The following TMPRSS7 variants were observed in gnomAD, a reference collection of about 807,000 sequenced individuals.
The protein encoded by TMPRSS7 is transmembrane serine protease 7.
TMPRSS7 carries 81 observed loss-of-function variants against 95.6 expected under a neutral mutation model. The observed-to-expected ratio is 0.85, with a 90% CI of 0.71 to 1.02. The LOEUF (loss-of-function observed/expected upper bound fraction) is 1.02. TMPRSS7 is among the 50% of genes least tolerant of loss of function. The probability of loss-of-function intolerance (pLI) is 0.00; values close to 1 mark genes in which losing one functional copy is unlikely to be tolerated. For synonymous variants in TMPRSS7, 364 were observed against 337.8 expected, an observed-to-expected ratio of 1.08 and a Z score of -0.85; for missense variants, 945 against 955.2, an observed-to-expected ratio of 0.99 and a Z score of 0.14.
rs768791065 is a variant in TMPRSS7 at position 112,075,380 on chromosome 3, G to C, written c.1843G>C (p.Gly615Arg). Residue 615 changes from glycine to arginine, a missense_variant, in exon 15 of 18, where the codon GGG becomes CGG. Gly to Arg is a moderately radical substitution (Grantham distance 125). Transcript: ENST00000452346. Reference sequence around the variant, plus strand: ...CATCGGAGGCACAGACACCCTGGAGGGGGGTTGGCCGTGGCAGGTCAGCCT... The same window carrying C: ...CATCGGAGGCACAGACACCCTGGAGCGGGGTTGGCCGTGGCAGGTCAGCCT... The C allele has an allele frequency of 1.9e-5, 29 of 1,520,560 alleles. No homozygotes were observed. The East Asian group carries it at 6.5e-4, about 34-fold the overall frequency. The allele number at this position is 1,520,560 out of a possible 1,614,324, so 94.2% of individuals were successfully genotyped here.
rs78489211 is a variant in TMPRSS7, at chr3:112,081,015, T to G, written c.2463T>G (p.Phe821Leu). The change falls in exon 18 of 18, where the codon TTT (phenylalanine) becomes TTG (leucine). Residue 821 changes from phenylalanine to leucine, a missense_variant. Physicochemically the swap from Phe to Leu is conservative, Grantham distance 22 (BLOSUM62 0). Coordinates refer to ENST00000452346, the Ensembl canonical transcript of TMPRSS7. ...GACATGGAAGTGGACGACCAAACTTTCCTGGTGTTTACACAAGGGTGTCAA... is the reference window on the plus strand; with the variant it reads ...GACATGGAAGTGGACGACCAAACTTGCCTGGTGTTTACACAAGGGTGTCAA... 2.5e-6 allele frequency: 4 copies of G among 1,613,884 alleles called. No individual in the cohort carries two copies. The African/African-American group carries it at 5.3e-5, about 22-fold the overall frequency.
intron 10 of TMPRSS7, among the ~76,000 whole-genome samples, chr3:112,058,553 A>G (rs1344355239): frequency 6.6e-6 from 1 of 152,256 alleles, no homozygotes; most frequent in East Asian, 1.9e-4. Context: ...AATATGAATA[A>G]CAAGATTGTT....
intron 16 of TMPRSS7, 56 bp from the exon 17 acceptor site, chr3:112,078,686 T>C (rs1007163916): frequency 8.7e-6 from 14 of 1,606,780 alleles, no homozygotes; most frequent in African/African-American, 1.3e-5. Flanking sequence ...AATGAAGTCC[T>C]GAATACATGC....
intron 13 of TMPRSS7, among the ~76,000 whole-genome samples, chr3:112,073,089 CTTTTT>C (rs1156538909): frequency 0.029 from 3,725 of 128,438 alleles, 137 homozygotes; most frequent in African/African-American, 0.086. Flanking sequence ...TGTTTCCTGA[CTTTTT>C]TTTTTTTTTT....
At chr3:112,037,447 C>T (rs2073157612) in intron 1 of TMPRSS7, among the ~76,000 whole-genome samples, 1 of 152,190 alleles carries the variant, frequency 6.6e-6, no homozygotes, top group South Asian at 2.1e-4. Context: ...TGCTCTTGAA[C>T]CCTGTTTCCT....
In TMPRSS7 at chr3:112,078,903, C is replaced by T. The variant is rs767891153; in HGVS notation, c.2361+25C>T. On this transcript the variant is annotated intron_variant, in intron 17 of 17. Coordinates refer to ENST00000452346, the Ensembl canonical transcript of TMPRSS7. ...AGTAAGTCATTGTACCTTTCCCTTG[C>T]CTAACATGTTGTGCTTTCCATAAAT... 1.9e-6 allele frequency: 3 copies of T among 1,609,544 alleles called. No homozygotes were observed. In the South Asian group the frequency reaches 3.3e-5, roughly 18 times the overall value.
intron 16 of TMPRSS7, among the ~76,000 whole-genome samples, chr3:112,077,539 T>C (rs1377479510): frequency 6.6e-6 from 1 of 152,212 alleles, no homozygotes; most frequent in Non-Finnish European, 1.5e-5. Context: ...TGTCAACTCA[T>C]AGGCAACAGT....
At chr3:112,043,411 G>C (rs2073237049) in intron 3 of TMPRSS7, among the ~76,000 whole-genome samples, 1 of 152,044 alleles carries the variant, frequency 6.6e-6, no homozygotes, top group Non-Finnish European at 1.5e-5. Flanking sequence ...ATTATCCCAA[G>C]GAGGTGGGTG....
At chr3:112,057,404 A>T (rs2073445927) in intron 10 of TMPRSS7, among the ~76,000 whole-genome samples, 1 of 152,168 alleles carries the variant, frequency 6.6e-6, no homozygotes, top group African/African-American at 2.4e-5. Flanking sequence ...TTGGCAGATG[A>T]GTTTTTCAAA....
At chr3:112,076,811 C>T in intron 15 of TMPRSS7, 65 bp from the exon 16 acceptor site, 1 of 1,563,294 alleles carries the variant, frequency 6.4e-7, no homozygotes, top group Middle Eastern at 1.7e-4. Flanking sequence ...CTTTAGAGTG[C>T]TTGTTTGCAA....
intron 9 of TMPRSS7, among the ~76,000 whole-genome samples, chr3:112,054,071 C>A (rs1243837817): frequency 1.3e-5 from 2 of 152,150 alleles, no homozygotes; most frequent in African/African-American, 4.8e-5. Flanking sequence ...CACAAGATTC[C>A]CCAGAAGGGA....
chr3:112,074,247 A>G (rs368141776), intron 13 of TMPRSS7, 49 bp from the exon 14 acceptor site: 40 of 1,324,452 alleles, frequency 3.0e-5, no homozygotes, highest in Non-Finnish European at 4.0e-5. Context: ...CATTCACTCA[A>G]GTTTGTTTCT....
intron 1 of TMPRSS7, among the ~76,000 whole-genome samples, chr3:112,035,844 G>GCACATAA (rs1322442553): frequency 1.3e-5 from 2 of 152,160 alleles, no homozygotes; most frequent in Non-Finnish European, 2.9e-5. Context: ...ATAACACTAT[G>GCACATAA]CACATCAATA....
At chr3:112,039,441 A>T (rs1407730528) in intron 2 of TMPRSS7, among the ~76,000 whole-genome samples, 1 of 152,210 alleles carries the variant, frequency 6.6e-6, no homozygotes, top group African/African-American at 2.4e-5. Flanking sequence ...GTCTTTTTGT[A>T]TATTAACAAA....
At position 112,036,493 on chromosome 3, in the gene TMPRSS7, A is replaced by G. The variant is rs547913929; in HGVS notation, c.49-1579A>G. Among the ~76,000 whole-genome samples the G allele has an allele frequency of 6.2e-4, 94 of 150,858 alleles. 2 individuals are homozygous for G. The highest frequency in any genetic ancestry group is 3.8e-4 in the Non-Finnish European group (26 of 67,790). On this transcript the variant is annotated intron_variant, in intron 1 of 17. Transcript: ENST00000452346. ...TGAGGCAGGGGAATCGCTGGAACCC[A>G]TGAGGCAGAGGTTGCAGTGAGCCAA...
chr3:112,040,176 G>A (rs4682348), intron 2 of TMPRSS7, among the ~76,000 whole-genome samples: 2 of 152,012 alleles, frequency 1.3e-5, no homozygotes, highest in East Asian at 3.9e-4. Context: ...TGTCTTGAAC[G>A]GTTCAGGTCA....
intron 8 of TMPRSS7, 145 bp from the exon 9 acceptor site, chr3:112,050,526 A>AAAAAAAAAC (rs1553763196): frequency 1.2e-5 from 4 of 347,252 alleles, no homozygotes; most frequent in Non-Finnish European, 2.1e-5. Context: ...TCTTCTGAAA[A>AAAAAAAAAC]AAAAAAAAAA....
chr3:112,059,028 T>C (rs973211573), intron 10 of TMPRSS7, among the ~76,000 whole-genome samples: 1 of 152,106 alleles, frequency 6.6e-6, no homozygotes, highest in Non-Finnish European at 1.5e-5. Context: ...CCTAAGGAAA[T>C]TGAGGCTATA....
At position 112,049,011 on chromosome 3, in the gene TMPRSS7, T is replaced by TA. The variant is rs148643531; in HGVS notation, c.960-830dup. On this transcript the variant is annotated intron_variant, in intron 7 of 17. Coordinates refer to ENST00000452346, the Ensembl canonical transcript of TMPRSS7. ...TTAAGGCCAATTAACACAAACTTCC[T>TA]AAAGCTAAACTAAAAGGAAAAGCCC... Among the ~76,000 whole-genome samples, 469 of 152,198 alleles carry TA rather than the reference T, an allele frequency of 3.1e-3. 4 individuals carry two copies. Among genetic ancestry groups the TA allele is most frequent in the African/African-American group, 0.011 (449 of 41,516 alleles).
Sources: gnomAD v4.1 joint callset for allele counts (sites outside exome capture counted in the v4.1 genomes callset) on GRCh38, gnomAD v4.1.1 for gene constraint, MANE v1.5 for transcripts, NCBI Gene and HGNC (gene_info 2026-07-23, HGNC 2026-07-21) for gene names.